Variants in CSMD1 observed in about 807,000 individuals in gnomAD.
The protein encoded by CSMD1 is CUB and sushi domain-containing protein 1.
In CSMD1, 213 loss-of-function variants were observed where a neutral mutation model predicts 417.5. The observed-to-expected ratio is 0.51, with a 90% confidence interval of 0.46 to 0.57. CSMD1 has a LOEUF of 0.57. CSMD1 is among the 20% of genes least tolerant of loss of function. The probability of loss-of-function intolerance (pLI) is 0.00; values close to 1 mark genes in which losing one functional copy is unlikely to be tolerated. For missense variants in CSMD1, 6,923 were observed against 4,529.7 expected (o/e 1.53, Z -15.17); for synonymous variants, 2,862 against 1,736.8 (o/e 1.65, Z -16.11).
intron 33 of CSMD1, among the ~76,000 whole-genome samples, chr8:3,191,594 T>A (rs1172755928): frequency 6.6e-6 from 1 of 152,150 alleles, no homozygotes; most frequent in East Asian, 1.9e-4. Flanking sequence ...GTGTATCTCA[T>A]GGGCTTTGGA....
At chr8:3,108,854 A>G in intron 43 of CSMD1, 106 bp from the exon 44 acceptor site, 1 of 1,110,942 alleles carries the variant, frequency 9.0e-7, no homozygotes, top group South Asian at 1.6e-5. Context: ...GCAATAAAAC[A>G]TATGCATTCT....
rs371515445 is a variant in CSMD1 at position 3,021,042 on chromosome 8, A to G, written c.7856-2392T>C. ...AGATCCATTTGTAGCAATTTAAGAT[A>G]ATTGGATCTTGTCTTGAAACTTCCA... On this transcript the variant is annotated intron_variant, in intron 51 of 69. Coordinates refer to ENST00000635120, the MANE Select transcript of CSMD1 (RefSeq NM_033225.6). Among the ~76,000 whole-genome samples, 37 of 152,346 alleles carry G rather than the reference A, an allele frequency of 2.4e-4. 1 individual carries two copies. The highest frequency in any genetic ancestry group is 7.9e-4 in the African/African-American group (33 of 41,584).
In CSMD1 at chr8:3,520,963, C is replaced by T. The variant is rs1221720225; in HGVS notation, c.1345-27237G>A. Among the ~76,000 whole-genome samples, 7 of 152,082 alleles carry T rather than the reference C, an allele frequency of 4.6e-5. No individual in the cohort carries two copies. In the East Asian group the frequency reaches 9.7e-4, roughly 21 times the overall value. The stretch of plus-strand genomic sequence containing the variant: ...TCCTCCTTTGCTCCCCTTTGTGCTC[C>T]GTGGAAAACCATGTGCCCATCAAAG... On this transcript the variant is annotated intron_variant, in intron 10 of 69. Coordinates refer to ENST00000635120, the MANE Select transcript of CSMD1 (RefSeq NM_033225.6).
At chr8:3,336,370 C>T (rs546519072) in intron 23 of CSMD1, among the ~76,000 whole-genome samples, 2 of 152,282 alleles carry the variant, frequency 1.3e-5, no homozygotes, top group Admixed American at 1.3e-4. Flanking sequence ...CCTTCTATAG[C>T]CTTTTTCATG....
chr8:3,843,511 G>A (rs577844345), intron 5 of CSMD1, among the ~76,000 whole-genome samples: 1 of 152,060 alleles, frequency 6.6e-6, no homozygotes, highest in African/African-American at 2.4e-5. Flanking sequence ...AGACAGATAT[G>A]AGAAAAATGT....
At chr8:3,978,672 T>C (rs969083296) in intron 5 of CSMD1, among the ~76,000 whole-genome samples, 3 of 152,128 alleles carry the variant, frequency 2.0e-5, no homozygotes, top group Non-Finnish European at 4.4e-5. Context: ...ATGAAATTAC[T>C]CCTGCCCAAC....
At chr8:3,969,450 A>G (rs138113634) in intron 5 of CSMD1, among the ~76,000 whole-genome samples, 24 of 152,114 alleles carry the variant, frequency 1.6e-4, no homozygotes, top group African/African-American at 5.8e-4. Flanking sequence ...CATGGTCACT[A>G]GTGTTGTTTA....
intron 3 of CSMD1, among the ~76,000 whole-genome samples, chr8:4,051,909 TTC>T (rs745531717): frequency 0.14 from 20,148 of 144,878 alleles, 1,870 homozygotes; most frequent in East Asian, 0.44. Flanking sequence ...CCTTCCTTCC[TTC>T]CTTTCTTTCT....
intron 1 of CSMD1, among the ~76,000 whole-genome samples, chr8:4,754,397 T>A (rs1811536674): frequency 1.3e-5 from 2 of 151,936 alleles, no homozygotes; most frequent in Non-Finnish European, 2.9e-5. Context: ...ATCTGTAGTG[T>A]CATATCCCAA....
intron 48 of CSMD1, among the ~76,000 whole-genome samples, 198 bp downstream of exon 48, chr8:3,091,318 A>C (rs917998881): frequency 2.0e-5 from 3 of 152,116 alleles, no homozygotes; most frequent in South Asian, 2.1e-4. Context: ...TAAAATTCTA[A>C]ATATTAAGCA....
intron 3 of CSMD1, among the ~76,000 whole-genome samples, chr8:4,075,962 G>A (rs76954441): frequency 0.075 from 11,398 of 152,206 alleles, 667 homozygotes; most frequent in East Asian, 0.28. Context: ...TTCCCTCTAA[G>A]TTTTAAAACA....
rs115548385 is a variant in CSMD1 at position 4,172,913 on chromosome 8, G to A, written c.416-140814C>T. On this transcript the variant is annotated intron_variant, in intron 3 of 69. Transcript: ENST00000635120. ...TTCCAGGAGTTGAGTCTGAGTCCCA[G>A]CAACAAGTTAACAGCAACTTACAGA... 2.0e-3 allele frequency among the ~76,000 whole-genome samples: 304 copies of A among 152,242 alleles called. 4 individuals are homozygous for A. The highest frequency in any genetic ancestry group is 7.1e-3 in the African/African-American group (296 of 41,510).
chr8:3,187,098 G>A (rs1219355806), intron 36 of CSMD1, among the ~76,000 whole-genome samples: 1 of 152,196 alleles, frequency 6.6e-6, no homozygotes, highest in Non-Finnish European at 1.5e-5. Context: ...AACTGGCAAA[G>A]TAAAGGCTCA....
chr8:3,311,748 CAATA>C (rs1231066482), intron 23 of CSMD1, among the ~76,000 whole-genome samples: 4 of 152,036 alleles, frequency 2.6e-5, no homozygotes, highest in African/African-American at 9.7e-5. Flanking sequence ...TTCATTTTGA[CAATA>C]AATTATGTTC....
intron 3 of CSMD1, among the ~76,000 whole-genome samples, chr8:4,366,022 T>C (rs976026389): frequency 6.6e-6 from 1 of 152,136 alleles, no homozygotes; most frequent in Non-Finnish European, 1.5e-5. Flanking sequence ...AATGAGCCTG[T>C]CGCCCAGGTA....
In CSMD1 at chr8:3,326,512, C is replaced by T. The variant is rs550363055; in HGVS notation, c.3631+16782G>A. On this transcript the variant is annotated intron_variant, in intron 23 of 69. Coordinates refer to ENST00000635120, the MANE Select transcript of CSMD1 (RefSeq NM_033225.6). ...ACTTGCCCTCTCCTGAATGTTGTCACGTTTGGCCCCAAGTGCCTTATGTTT... is the reference window on the plus strand; with the variant it reads ...ACTTGCCCTCTCCTGAATGTTGTCATGTTTGGCCCCAAGTGCCTTATGTTT... Among the ~76,000 whole-genome samples, 33 of 152,296 alleles carry T rather than the reference C, an allele frequency of 2.2e-4. 1 individual carries two copies. The South Asian group carries it at 6.4e-3, about 30-fold the overall frequency.
chr8:4,360,756 A>C (rs2128907399), intron 3 of CSMD1, among the ~76,000 whole-genome samples: 1 of 152,230 alleles, frequency 6.6e-6, no homozygotes, highest in Non-Finnish European at 1.5e-5. Flanking sequence ...GGCCTCCAAA[A>C]GTGCTGGGAC....
chr8:4,616,375 G>A (rs559721162), intron 2 of CSMD1, among the ~76,000 whole-genome samples: 3 of 152,176 alleles, frequency 2.0e-5, no homozygotes, highest in Non-Finnish European at 4.4e-5. Flanking sequence ...ACATGGAGAT[G>A]ACCACAACAG....
In CSMD1 at chr8:4,323,928, C is replaced by T. The variant is rs1308024676; in HGVS notation, c.415+96025G>A. On this transcript the variant is annotated intron_variant, in intron 3 of 69. Coordinates refer to ENST00000635120, the MANE Select transcript of CSMD1 (RefSeq NM_033225.6). ...TTCTGAGCCTGGGGGTGGCAGGTGTCCCAGCAACAGGCATTCAGACTACTG... is the reference window on the plus strand; with the variant it reads ...TTCTGAGCCTGGGGGTGGCAGGTGTTCCAGCAACAGGCATTCAGACTACTG... 3.3e-5 allele frequency among the ~76,000 whole-genome samples: 5 copies of T among 152,138 alleles called. 1 individual carries two copies. Among genetic ancestry groups the T allele is most frequent in the South Asian group, 4.1e-4 (2 of 4,824 alleles).
Sources: allele counts gnomAD v4.1 joint callset (sites outside exome capture counted in the v4.1 genomes callset), GRCh38; gene constraint gnomAD v4.1.1; transcripts MANE v1.5; gene names NCBI Gene and HGNC (gene_info 2026-07-23, HGNC 2026-07-21).